DGKB: variants seen among roughly 807,000 people sequenced by gnomAD.
DGKB encodes 90 kDa diacylglycerol kinase.
In DGKB, 67 loss-of-function variants were observed where a neutral mutation model predicts 114.3. The ratio of observed to expected loss-of-function variants is 0.59; its 90% CI spans 0.48 to 0.72. The LOEUF is 0.72. DGKB is among the 30% of genes least tolerant of loss of function. The probability of loss-of-function intolerance (pLI) is 0.00; values close to 1 mark genes in which losing one functional copy is unlikely to be tolerated. For missense variants in DGKB, 907 were observed against 975.2 expected (o/e 0.93, Z 0.93); for synonymous variants, 398 against 323.1 (o/e 1.23, Z -2.49).
intron 10 of DGKB, among the ~76,000 whole-genome samples, chr7:14,684,798 T>G (rs943796941): frequency 1.3e-5 from 2 of 152,152 alleles, no homozygotes; most frequent in African/African-American, 2.4e-5. Context: ...CTAATTTTAA[T>G]GCAAATCTAT....
At chr7:14,654,445 C>T (rs1815345286) in intron 13 of DGKB, among the ~76,000 whole-genome samples, 1 of 151,878 alleles carries the variant, frequency 6.6e-6, no homozygotes, top group African/African-American at 2.4e-5. Flanking sequence ...TTAATATTGT[C>T]AAAATGACCA....
At chr7:14,699,233 A>T (rs1177345569) in intron 7 of DGKB, among the ~76,000 whole-genome samples, 1 of 152,222 alleles carries the variant, frequency 6.6e-6, no homozygotes, top group African/African-American at 2.4e-5. Context: ...ATTTTAAAAC[A>T]TAAATCCCTT....
intron 25 of DGKB, among the ~76,000 whole-genome samples, chr7:14,150,764 C>T (rs968669804): frequency 6.6e-6 from 1 of 152,014 alleles, no homozygotes; most frequent in African/African-American, 2.4e-5. Context: ...CTCAATAAGT[C>T]AGCATTAGAG....
intron 1 of DGKB, among the ~76,000 whole-genome samples, chr7:14,875,413 T>TA (rs1587093683): frequency 6.6e-6 from 1 of 152,138 alleles, no homozygotes; most frequent in African/African-American, 2.4e-5. Context: ...CATGCTTTTT[T>TA]AAAAAATTAA....
At chr7:14,514,370 A>G (rs1200754703) in intron 20 of DGKB, among the ~76,000 whole-genome samples, 2 of 152,130 alleles carry the variant, frequency 1.3e-5, no homozygotes, top group Non-Finnish European at 2.9e-5. Context: ...ATCTTTTGAA[A>G]AATAGGATAT....
rs746623534 is a variant in DGKB, at chr7:14,769,239, A to AAAGAAAGC, written c.71-11509_71-11508insGCTTTCTT. Among the ~76,000 whole-genome samples the AAAGAAAGC allele has an allele frequency of 1.4e-3, 176 of 125,260 alleles. 1 individual carries two copies. Among genetic ancestry groups the AAAGAAAGC allele is most frequent in the Admixed American group, 3.1e-3 (38 of 12,244 alleles). 82.2% of individuals were successfully genotyped at this position (125,260 alleles called of 152,430 possible). A position where few individuals can be genotyped will look rare whatever the true frequency, so the allele number is the denominator to read the frequency against. On this transcript the variant is annotated intron_variant, in intron 2 of 25. Transcript: ENST00000402815. ...AAGAGAAAGAGAGAGAGAAAGAAAG[A>AAAGAAAGC]AAGAAAGAAAGAAAGAAAGAAAGAA... is the stretch of plus-strand genomic sequence containing the variant.
chr7:14,815,894 T>A (rs1452956417), intron 2 of DGKB, among the ~76,000 whole-genome samples: 1 of 152,230 alleles, frequency 6.6e-6, no homozygotes, highest in African/African-American at 2.4e-5. Context: ...AGGGGATGGA[T>A]AAAATATAAC....
At chr7:14,711,911 C>A (rs1827415795) in intron 6 of DGKB, among the ~76,000 whole-genome samples, 1 of 152,234 alleles carries the variant, frequency 6.6e-6, no homozygotes, top group East Asian at 1.9e-4. Context: ...AGAATAAGTC[C>A]TTTTCCTTAT....
At chr7:14,804,663 C>A (rs1410537702) in intron 2 of DGKB, among the ~76,000 whole-genome samples, 1 of 152,026 alleles carries the variant, frequency 6.6e-6, no homozygotes, top group Admixed American at 6.6e-5. Flanking sequence ...TGCCTATTTT[C>A]AAACTATTGT....
chr7:14,326,648 C>T (rs2128549286), intron 23 of DGKB, among the ~76,000 whole-genome samples: 2 of 152,276 alleles, frequency 1.3e-5, no homozygotes, highest in East Asian at 3.9e-4. Context: ...TTTCAACCTC[C>T]TTTCCTTTGC....
rs1266939311 is a variant in DGKB at position 14,147,937 on chromosome 7, A to T, written c.*1194T>A. 2 of 152,148 alleles carry T rather than the reference A, an allele frequency of 1.3e-5. No individual in the cohort carries two copies. The highest frequency in any genetic ancestry group is 6.6e-5 in the Admixed American group (1 of 15,248). 9.4% of individuals were successfully genotyped at this position (152,148 alleles called of 1,614,324 possible). ...TGAAATGTCATAAAGATGGGAGTGG[A>T]GTAGGTGAGGAGGAGGGAGCTAATT... On this transcript the variant is annotated 3_prime_UTR_variant, in exon 26 of 26. Transcript: ENST00000402815.
At chr7:14,831,624 A>G (rs1225702181) in intron 2 of DGKB, among the ~76,000 whole-genome samples, 1 of 152,060 alleles carries the variant, frequency 6.6e-6, no homozygotes, top group Non-Finnish European at 1.5e-5. Flanking sequence ...CATGAGGTAC[A>G]TGCTGTTTGC....
chr7:14,358,380 C>G (rs370547659), intron 21 of DGKB, among the ~76,000 whole-genome samples: 3 of 152,092 alleles, frequency 2.0e-5, no homozygotes, highest in Non-Finnish European at 4.4e-5. Context: ...TTGATCGAAT[C>G]GGCTATTGAA....
chr7:14,858,965 G>T (rs217545), intron 1 of DGKB, among the ~76,000 whole-genome samples: 152,235 of 152,298 alleles, frequency 1, 76,086 homozygotes, highest in Middle Eastern at 1. Flanking sequence ...CATCTTCATA[G>T]GAGACAGCTT....
chr7:14,200,129 G>C (rs1343306413), intron 23 of DGKB, among the ~76,000 whole-genome samples: 1 of 152,026 alleles, frequency 6.6e-6, no homozygotes, highest in Non-Finnish European at 1.5e-5. Flanking sequence ...ACCCATTCCT[G>C]AATCTAGTTC....
At chr7:14,187,539 AACT>A (rs1783630069) in intron 23 of DGKB, among the ~76,000 whole-genome samples, 1 of 152,124 alleles carries the variant, frequency 6.6e-6, no homozygotes, top group African/African-American at 2.4e-5. Flanking sequence ...TCCTCAGCAA[AACT>A]ACACTGCTGC....
chr7:14,852,470 G>C (rs1013000894), intron 1 of DGKB, among the ~76,000 whole-genome samples: 1 of 6,190 alleles, frequency 1.6e-4, no homozygotes, highest in South Asian at 0.014. Context: ...AAGAGGAATA[G>C]CTAAAATAGT....
intron 1 of DGKB, among the ~76,000 whole-genome samples, chr7:14,909,693 T>A (rs1783886736): frequency 6.6e-6 from 1 of 152,216 alleles, no homozygotes; most frequent in African/African-American, 2.4e-5. Context: ...ATCAGTCACT[T>A]TATTCCTCAA....
At chr7:14,940,552 G>A (rs1359698483) in intron 1 of DGKB, among the ~76,000 whole-genome samples, 1 of 151,972 alleles carries the variant, frequency 6.6e-6, no homozygotes, top group Non-Finnish European at 1.5e-5. Context: ...TCCAGCTTGA[G>A]GTCACACAAA....
Sources: allele counts gnomAD v4.1 joint callset (sites outside exome capture counted in the v4.1 genomes callset), GRCh38; gene constraint gnomAD v4.1.1; transcripts MANE v1.5; gene names NCBI Gene and HGNC (gene_info 2026-07-23, HGNC 2026-07-21).